EYA4: variants seen among roughly 807,000 people sequenced by gnomAD.
EYA4 encodes the protein protein phosphatase EYA4.
Under a neutral mutation model 87.9 loss-of-function variants are expected in EYA4, and 31 were observed. The ratio of observed to expected loss-of-function variants is 0.35; its 90% CI spans 0.27 to 0.48. The LOEUF (loss-of-function observed/expected upper bound fraction) is 0.48, where lower values mean the gene tolerates loss of function less well. EYA4 is among the 20% of genes least tolerant of loss of function. EYA4 has a pLI of 0.99. For missense variants in EYA4, 678 were observed against 761.4 expected, an observed-to-expected ratio of 0.89 and a Z score of 1.29; for synonymous variants, 263 against 270.6, an observed-to-expected ratio of 0.97 and a Z score of 0.28.
chr6:133,438,096 A>G (rs1370038799), intron 3 of EYA4, among the ~76,000 whole-genome samples: 2 of 152,176 alleles, frequency 1.3e-5, no homozygotes, highest in African/African-American at 4.8e-5. Context: ...TTAATCACAA[A>G]ACATATAAAA....
intron 2 of EYA4, among the ~76,000 whole-genome samples, chr6:133,282,856 G>A (rs1336642880): frequency 6.6e-6 from 1 of 152,162 alleles, no homozygotes; most frequent in East Asian, 1.9e-4. Flanking sequence ...TTCTGGTCTG[G>A]TGAGTTGTCA....
At chr6:133,527,132 T>C (rs1800701895) in intron 19 of EYA4, among the ~76,000 whole-genome samples, 1 of 152,212 alleles carries the variant, frequency 6.6e-6, no homozygotes. Flanking sequence ...GGTACAGTTT[T>C]GGTGATGGTG....
intron 2 of EYA4, among the ~76,000 whole-genome samples, chr6:133,290,415 C>T (rs1334727009): frequency 6.6e-6 from 1 of 152,146 alleles, no homozygotes; most frequent in Non-Finnish European, 1.5e-5. Context: ...CCCCTATTAA[C>T]ATTTTCTTTG....
At chr6:133,365,385 A>G (rs1374097684) in intron 2 of EYA4, among the ~76,000 whole-genome samples, 1 of 152,180 alleles carries the variant, frequency 6.6e-6, no homozygotes, top group African/African-American at 2.4e-5. Flanking sequence ...TAATGGTACA[A>G]ATTGGGAGTT....
chr6:133,333,618 A>T (rs925814244), intron 2 of EYA4, among the ~76,000 whole-genome samples: 1 of 152,320 alleles, frequency 6.6e-6, no homozygotes, highest in African/African-American at 2.4e-5. Context: ...TTAAGCATTT[A>T]TTCAGAGTAC....
intron 9 of EYA4, 92 bp downstream of exon 9, chr6:133,462,856 T>C (rs1354594640): frequency 3.3e-6 from 4 of 1,206,854 alleles, no homozygotes; most frequent in Non-Finnish European, 3.7e-6. Context: ...ATCATGAAGG[T>C]AGTTTTAAGC....
At chr6:133,498,804 C>T (rs914267557) in intron 13 of EYA4, among the ~76,000 whole-genome samples, 2 of 152,264 alleles carry the variant, frequency 1.3e-5, no homozygotes, top group African/African-American at 4.8e-5. Context: ...GAACTCTTCC[C>T]TAGGGAATTG....
chr6:133,447,773 A>G (rs1448279392), intron 4 of EYA4, among the ~76,000 whole-genome samples: 2 of 152,216 alleles, frequency 1.3e-5, no homozygotes, highest in Non-Finnish European at 2.9e-5. Flanking sequence ...GTCTCTAAAC[A>G]TGCATCTGTA....
intron 3 of EYA4, among the ~76,000 whole-genome samples, chr6:133,411,553 ATCTG>A (rs983019785): frequency 1.7e-4 from 26 of 150,906 alleles, no homozygotes; most frequent in African/African-American, 2.2e-4. Context: ...GTATCTGTAT[ATCTG>A]TCTATCTATA....
chr6:133,523,182 G>C lies in EYA4; in HGVS notation c.1738+5G>C, dbSNP rs755198050. 1 of 1,611,680 alleles carries C rather than the reference G, an allele frequency of 6.2e-7. No homozygotes were observed. The highest frequency in any genetic ancestry group is 8.5e-7 in the Non-Finnish European group (1 of 1,178,214). On this transcript the variant is annotated splice_donor_5th_base_variant and intron_variant, in intron 18 of 19. Coordinates refer to ENST00000355286, the MANE Select transcript of EYA4 (RefSeq NM_004100.5). Reference sequence around the variant, plus strand: ...TTTACAGTGCAACTAAAATAGGTAAGGAAATTATTTTAAACTCTGTATGGA... The same window carrying C: ...TTTACAGTGCAACTAAAATAGGTAACGAAATTATTTTAAACTCTGTATGGA...
intron 2 of EYA4, among the ~76,000 whole-genome samples, chr6:133,278,138 A>ATC (rs1777329395): frequency 1.3e-5 from 2 of 151,908 alleles, no homozygotes; most frequent in Admixed American, 1.3e-4. Context: ...CAGTTTCTGA[A>ATC]TCTCCCAGGT....
chr6:133,477,291 C>T (rs1426128266), intron 11 of EYA4, among the ~76,000 whole-genome samples: 1 of 152,034 alleles, frequency 6.6e-6, no homozygotes, highest in East Asian at 1.9e-4. Context: ...TATTTTTCTT[C>T]TTTTAGATAA....
chr6:133,415,991 TG>T (rs1207958937), intron 3 of EYA4, among the ~76,000 whole-genome samples: 3 of 152,224 alleles, frequency 2.0e-5, no homozygotes, highest in African/African-American at 7.2e-5. Flanking sequence ...AAGGATAAGT[TG>T]GAGTCTGTCA....
Position 133,462,349 on chromosome 6 carries a change from T to G in EYA4, c.452T>G (p.Ile151Ser). 6.2e-7 allele frequency: 1 copy of G among 1,614,048 alleles called. No homozygotes were observed. The highest frequency in any genetic ancestry group is 8.5e-7 in the Non-Finnish European group (1 of 1,179,904). Residue 151 changes from isoleucine (I) to serine (S), a missense_variant, in exon 8 of 20, where the codon ATT becomes AGT. Coordinates refer to ENST00000355286, the MANE Select transcript of EYA4 (RefSeq NM_004100.5). ...CTGATATTTAGGCCCTATCCACACA[T>G]TCTTTCTACACCAGCAGCTCAAACA... The part of the protein sequence containing the change: ...QLYPSKPYPH[I>S]LSTPAAQTMS...
At chr6:133,277,324 G>T (rs981786509) in intron 2 of EYA4, among the ~76,000 whole-genome samples, 2 of 152,188 alleles carry the variant, frequency 1.3e-5, no homozygotes, top group African/African-American at 2.4e-5. Flanking sequence ...AAGTAGTAGA[G>T]ATCAGAATTA....
chr6:133,468,421 T>C, intron 10 of EYA4, 145 bp from the exon 11 acceptor site: 1 of 724,084 alleles, frequency 1.4e-6, no homozygotes, highest in Non-Finnish European at 2.5e-6. Flanking sequence ...TAGTCTCTGC[T>C]CATTAGGATC....
At chr6:133,518,701 G>A (rs538928098) in intron 17 of EYA4, among the ~76,000 whole-genome samples, 2 of 152,220 alleles carry the variant, frequency 1.3e-5, no homozygotes, top group South Asian at 4.1e-4. Context: ...AAATTCTGGT[G>A]CATCCCACAC....
At chr6:133,497,388 C>T (rs555965016) in intron 13 of EYA4, among the ~76,000 whole-genome samples, 4 of 152,098 alleles carry the variant, frequency 2.6e-5, no homozygotes, top group Admixed American at 2.6e-4. Context: ...TGTGAATTTC[C>T]CAAGCATCTT....
chr6:133,407,747 T>A (rs201386127), intron 3 of EYA4, among the ~76,000 whole-genome samples: 1 of 147,566 alleles, frequency 6.8e-6, no homozygotes, highest in East Asian at 2.0e-4. Context: ...GAAAAAAAAA[T>A]AAAAGAAAAA....
Sources: gnomAD v4.1 joint callset for allele counts (sites outside exome capture counted in the v4.1 genomes callset) on GRCh38, gnomAD v4.1.1 for gene constraint, MANE v1.5 for transcripts, NCBI Gene and HGNC (gene_info 2026-07-23, HGNC 2026-07-21) for gene names.